The following SNAP25 variants were observed in gnomAD, a reference collection of about 807,000 sequenced individuals.
The protein encoded by SNAP25 is synaptosomal-associated protein 25.
In SNAP25, 3 loss-of-function variants were observed where a neutral mutation model predicts 28.7. That is an observed-to-expected ratio of 0.10 (90% CI 0.05 to 0.27). The LOEUF is 0.27. SNAP25 is among the 10% of genes least tolerant of loss of function. The pLI is 1.00. For missense variants in SNAP25, 117 were observed against 278.7 expected (o/e 0.42, Z 4.13); for synonymous variants, 61 against 88.1 (o/e 0.69, Z 1.72).
At chr20:10,265,443 A>G (rs362567) in intron 1 of SNAP25, among the ~76,000 whole-genome samples, 135,504 of 152,240 alleles carry the variant, frequency 0.89, 60,411 homozygotes, top group Middle Eastern at 0.94. Flanking sequence ...TCTCCAATGC[A>G]CAAAATCCTC....
intron 1 of SNAP25, among the ~76,000 whole-genome samples, chr20:10,253,837 C>T (rs974820698): frequency 6.6e-6 from 1 of 152,146 alleles, no homozygotes; most frequent in Admixed American, 6.5e-5. Context: ...CACACACACC[C>T]TGGGACTGGA....
At chr20:10,285,122 G>T (rs960677559) in intron 4 of SNAP25, among the ~76,000 whole-genome samples, 3 of 152,040 alleles carry the variant, frequency 2.0e-5, no homozygotes, top group Non-Finnish European at 4.4e-5. Context: ...CAATAAATTT[G>T]ATTTTCTTCT....
chr20:10,292,532 A>C (rs1033178664), intron 4 of SNAP25, among the ~76,000 whole-genome samples: 19 of 152,194 alleles, frequency 1.2e-4, no homozygotes, highest in Admixed American at 7.9e-4. Flanking sequence ...AGTAGCGTTA[A>C]ACTGGAATGC....
intron 1 of SNAP25, among the ~76,000 whole-genome samples, chr20:10,226,807 A>G (rs1353404711): frequency 1.3e-5 from 2 of 152,102 alleles, no homozygotes; most frequent in East Asian, 3.8e-4. Context: ...ACTTGTCTCT[A>G]TTTACATGGC....
intron 1 of SNAP25, 139 bp downstream of exon 1, chr20:10,219,116 C>A (rs551475228): frequency 6.6e-6 from 1 of 152,088 alleles, no homozygotes; most frequent in Non-Finnish European, 1.5e-5. Context: ...CGTGTGTGCA[C>A]GTCTGGTGGG....
chr20:10,304,931 G>T (rs1315733792), intron 7 of SNAP25, among the ~76,000 whole-genome samples: 1 of 152,128 alleles, frequency 6.6e-6, no homozygotes, highest in South Asian at 2.1e-4. Context: ...GAAATTATTA[G>T]AGTAGTACAG....
At chr20:10,266,778 G>A (rs1297199874) in intron 1 of SNAP25, among the ~76,000 whole-genome samples, 6 of 152,132 alleles carry the variant, frequency 3.9e-5, no homozygotes, top group African/African-American at 1.4e-4. Context: ...GAGTGAAAAT[G>A]GGCTGAAATA....
At chr20:10,261,528 C>G (rs556861787) in intron 1 of SNAP25, among the ~76,000 whole-genome samples, 1 of 152,254 alleles carries the variant, frequency 6.6e-6, no homozygotes, top group East Asian at 1.9e-4. Context: ...GCACATATAC[C>G]TTCAGTGGCT....
intron 1 of SNAP25, among the ~76,000 whole-genome samples, chr20:10,251,374 G>T (rs2063224098): frequency 6.6e-6 from 1 of 152,168 alleles, no homozygotes; most frequent in African/African-American, 2.4e-5. Flanking sequence ...GGAGTCCAAA[G>T]GCAGCCTTGG....
chr20:10,263,009 CTTTTT>C (rs57690835), intron 1 of SNAP25, among the ~76,000 whole-genome samples: 1 of 50,634 alleles, frequency 2.0e-5, no homozygotes, highest in African/African-American at 7.8e-5. Flanking sequence ...CTGGGGTGCT[CTTTTT>C]TTTTTTTTTT....
At chr20:10,272,113 G>A (rs1340538339) in intron 1 of SNAP25, among the ~76,000 whole-genome samples, 6 of 152,180 alleles carry the variant, frequency 3.9e-5, no homozygotes, top group African/African-American at 1.4e-4. Flanking sequence ...GTTAGTAGAG[G>A]AAAGCTGATT....
chr20:10,302,553 A>G (rs2123182034), intron 7 of SNAP25, among the ~76,000 whole-genome samples: 1 of 152,322 alleles, frequency 6.6e-6, no homozygotes, highest in South Asian at 2.1e-4. Flanking sequence ...AGATGGGCTG[A>G]ACAGCTCCTT....
intron 1 of SNAP25, among the ~76,000 whole-genome samples, chr20:10,256,080 TAGAG>T (rs2063314636): frequency 6.6e-6 from 1 of 152,230 alleles, no homozygotes; most frequent in South Asian, 2.1e-4. Context: ...AAAGCCATCT[TAGAG>T]AGGATGAGCT....
At chr20:10,222,881 T>A (rs945778426) in intron 1 of SNAP25, among the ~76,000 whole-genome samples, 1 of 152,170 alleles carries the variant, frequency 6.6e-6, no homozygotes, top group African/African-American at 2.4e-5. Flanking sequence ...ATTGACTAAA[T>A]GAAATTATGC....
intron 1 of SNAP25, among the ~76,000 whole-genome samples, chr20:10,254,312 C>T (rs2063281560): frequency 6.6e-6 from 1 of 152,174 alleles, no homozygotes; most frequent in Non-Finnish European, 1.5e-5. Context: ...GTGAGGCATG[C>T]TCTGAGGTGC....
At chr20:10,240,144 C>T (rs1012066331) in intron 1 of SNAP25, among the ~76,000 whole-genome samples, 4 of 152,074 alleles carry the variant, frequency 2.6e-5, no homozygotes, top group Non-Finnish European at 5.9e-5. Context: ...AGTTCACTTC[C>T]TTGCATCACC....
At chr20:10,222,910 G>A (rs1426929962) in intron 1 of SNAP25, among the ~76,000 whole-genome samples, 2 of 152,170 alleles carry the variant, frequency 1.3e-5, no homozygotes, top group Non-Finnish European at 2.9e-5. Context: ...CACTTGCCAG[G>A]CAGACTGAAA....
At chr20:10,223,883 A>T (rs1049127018) in intron 1 of SNAP25, among the ~76,000 whole-genome samples, 1 of 152,222 alleles carries the variant, frequency 6.6e-6, no homozygotes, top group Non-Finnish European at 1.5e-5. Flanking sequence ...CCACAGACAC[A>T]TATGTTCAGA....
chr20:10,296,954 C>T lies in SNAP25; in HGVS notation c.311C>T (p.Ala104Val). Residue 104 changes from alanine to valine, a missense_variant, in exon 6 of 8, where the codon GCC becomes GTC. By Grantham distance (64) the Ala-to-Val change is moderately conservative. Around this residue, in one of 3 missense-constraint regions of SNAP25, gnomAD observed 88 missense variants for 206.9 expected, o/e 0.43. Transcript: ENST00000254976. Reference sequence around the variant, plus strand: ...AAATCAAGTGATGCTTACAAAAAAGCCTGGGGCAATAATCAGGACGGAGTG... The same window carrying T: ...AAATCAAGTGATGCTTACAAAAAAGTCTGGGGCAATAATCAGGACGGAGTG... ...KLKSSDAYKK[A>V]WGNNQDGVVA... 1 of 1,614,130 alleles carries T rather than the reference C, an allele frequency of 6.2e-7. No individual in the cohort carries two copies. Among genetic ancestry groups the T allele is most frequent in the Non-Finnish European group, 8.5e-7 (1 of 1,180,002 alleles).
Sources: gnomAD v4.1 joint callset for allele counts (sites outside exome capture counted in the v4.1 genomes callset) on GRCh38, gnomAD v4.1.1 for gene constraint, gnomAD v4.1.1 regional missense constraint, MANE v1.5 for transcripts, NCBI Gene and HGNC (gene_info 2026-07-23, HGNC 2026-07-21) for gene names.